Variants in HDAC9 observed in about 807,000 individuals in gnomAD.
HDAC9 encodes the protein MEF-2 interacting transcription repressor (MITR) protein.
In HDAC9, 41 loss-of-function variants were observed where a neutral mutation model predicts 139.4. The observed-to-expected ratio is 0.29, with a 90% CI of 0.23 to 0.38. HDAC9 has a LOEUF of 0.38. Ranked by LOEUF, HDAC9 falls within the 10% of genes least tolerant of loss-of-function variation. The pLI, the probability that HDAC9 is intolerant of heterozygous loss-of-function variation, is 1.00. For synonymous variants in HDAC9, 517 were observed against 476.2 expected, an observed-to-expected ratio of 1.09 and a Z score of -1.12; for missense variants, 1,147 against 1,297.0, an observed-to-expected ratio of 0.88 and a Z score of 1.78.
chr7:18,224,890 C>A (rs1792950542), intron 2 of HDAC9, among the ~76,000 whole-genome samples: 1 of 151,656 alleles, frequency 6.6e-6, no homozygotes, highest in Non-Finnish European at 1.5e-5. Context: ...CTTTGTCCCC[C>A]CAAAAAAAGC....
chr7:18,158,380 G>A (rs1787380385), intron 1 of HDAC9, among the ~76,000 whole-genome samples: 1 of 152,130 alleles, frequency 6.6e-6, no homozygotes, highest in Non-Finnish European at 1.5e-5. Flanking sequence ...GGCTTGACAG[G>A]TCCTTTAGTA....
intron 2 of HDAC9, among the ~76,000 whole-genome samples, chr7:18,216,974 C>G (rs1187744354): frequency 2.0e-5 from 3 of 152,010 alleles, no homozygotes; most frequent in Non-Finnish European, 4.4e-5. Context: ...ATTGACTTAC[C>G]ATATCAACTA....
At chr7:18,737,436 T>G (rs1207001388) in intron 13 of HDAC9, among the ~76,000 whole-genome samples, 1 of 152,248 alleles carries the variant, frequency 6.6e-6, no homozygotes, top group African/African-American at 2.4e-5. Context: ...AAGTGGTGTC[T>G]TTGTTCTCAC....
At position 18,725,846 on chromosome 7, in the gene HDAC9, C is replaced by A. The variant is rs547458551; in HGVS notation, c.1732-1734C>A. Among the ~76,000 whole-genome samples, 29 of 152,208 alleles carry A rather than the reference C, an allele frequency of 1.9e-4. No individual in the cohort carries two copies. The South Asian group carries it at 5.8e-3, about 30-fold the overall frequency. On this transcript the variant is annotated intron_variant, in intron 12 of 25. Coordinates refer to ENST00000686413, the MANE Select transcript of HDAC9 (RefSeq NM_178425.4). ...ACTGAACACAAGACACTCAAGAAAA[C>A]AGGAGAGTTAGACTCTTGTAAAAGT...
intron 1 of HDAC9, among the ~76,000 whole-genome samples, chr7:18,157,250 G>A (rs1787281230): frequency 6.6e-6 from 1 of 152,172 alleles, no homozygotes; most frequent in Non-Finnish European, 1.5e-5. Context: ...TTATACAGGT[G>A]TTCATTCTGA....
intron 1 of HDAC9, among the ~76,000 whole-genome samples, chr7:18,476,399 G>A (rs1043304513): frequency 3.3e-5 from 5 of 151,934 alleles, no homozygotes; most frequent in African/African-American, 7.3e-5. Flanking sequence ...ATTATAATTA[G>A]ATGTATCATG....
intron 1 of HDAC9, among the ~76,000 whole-genome samples, chr7:18,441,259 G>GA (rs916320721): frequency 6.6e-6 from 1 of 151,634 alleles, no homozygotes; most frequent in Non-Finnish European, 1.5e-5. Flanking sequence ...CTTTTTTAAA[G>GA]AAAAAAAAGT....
intron 8 of HDAC9, among the ~76,000 whole-genome samples, chr7:18,644,039 G>A (rs114054614): frequency 0.015 from 2,309 of 152,164 alleles, 20 homozygotes; most frequent in East Asian, 0.053. Flanking sequence ...ATGCCAAAAC[G>A]TTCAGGGTAT....
chr7:18,830,772 A>C (rs1279036881), intron 19 of HDAC9, among the ~76,000 whole-genome samples: 2 of 152,210 alleles, frequency 1.3e-5, no homozygotes, highest in African/African-American at 2.4e-5. Flanking sequence ...TTTTCCATAC[A>C]CGCCTGAGTC....
chr7:18,719,179 C>T (rs1340601944), intron 12 of HDAC9, among the ~76,000 whole-genome samples: 1 of 152,060 alleles, frequency 6.6e-6, no homozygotes, highest in African/African-American at 2.4e-5. Context: ...AGGATTCTTT[C>T]CATATTCTGG....
intron 13 of HDAC9, among the ~76,000 whole-genome samples, chr7:18,731,129 T>G (rs1217429581): frequency 6.6e-6 from 1 of 152,216 alleles, no homozygotes; most frequent in African/African-American, 2.4e-5. Flanking sequence ...AAACTTAGAA[T>G]TTGGTTGTTA....
intron 5 of HDAC9, among the ~76,000 whole-genome samples, chr7:18,592,435 CAT>C (rs1444104971): frequency 1.3e-5 from 2 of 152,090 alleles, no homozygotes; most frequent in African/African-American, 4.8e-5. Context: ...ATAGGCAAAT[CAT>C]ATATGGATAA....
chr7:18,952,818 T>C (rs1199311354), intron 23 of HDAC9, among the ~76,000 whole-genome samples: 2 of 49,442 alleles, frequency 4.0e-5, no homozygotes, highest in Admixed American at 3.6e-4. Flanking sequence ...GGTGGTGATG[T>C]TTTTTTTTTT....
Position 18,168,503 on chromosome 7 carries a change from T to C in HDAC9, c.25+6154T>C, listed in dbSNP as rs535149480. 1.2e-4 allele frequency among the ~76,000 whole-genome samples: 18 copies of C among 152,316 alleles called. No individual in the cohort carries two copies. In the South Asian group the frequency reaches 3.7e-3, roughly 32 times the overall value. Reference sequence around the variant, plus strand: ...TTTATAACATTATGTGGAACCTTTATGGAGGATTTTTTTGTCTGTATAGAT... The same window carrying C: ...TTTATAACATTATGTGGAACCTTTACGGAGGATTTTTTTGTCTGTATAGAT... On this transcript the variant is annotated intron_variant, in intron 2 of 12. Coordinates refer to the HDAC9 transcript ENST00000417496.
chr7:18,945,721 T>A (rs1204096740), intron 23 of HDAC9, among the ~76,000 whole-genome samples: 1 of 152,092 alleles, frequency 6.6e-6, no homozygotes, highest in Admixed American at 6.6e-5. Context: ...AATATACAGT[T>A]GATCAAGTAC....
chr7:18,681,794 TC>T (rs1781908036), intron 12 of HDAC9, among the ~76,000 whole-genome samples: 2 of 152,000 alleles, frequency 1.3e-5, no homozygotes, highest in Non-Finnish European at 2.9e-5. Context: ...TGAGCTACTG[TC>T]CCAGGTGCCA....
intron 1 of HDAC9, among the ~76,000 whole-genome samples, chr7:18,449,238 T>C (rs560020901): frequency 6.6e-6 from 1 of 152,172 alleles, no homozygotes; most frequent in East Asian, 1.9e-4. Flanking sequence ...GCCTCAAAAT[T>C]AGAGTGGATA....
rs1374851928 is a variant in HDAC9 at position 18,647,861 on chromosome 7, A to G, written c.1112A>G (p.Tyr371Cys). ...CAAGGTGTTCCTCTGCCTGGGCAGT[A>G]TGGAGGCAGCATCCCGGCATCTTCC... ...LRQGVPLPGQ[Y>C]GGSIPASSSH... The change falls in exon 10 of 26, where the codon TAT becomes TGT. Residue 371 changes from tyrosine to cysteine, a missense_variant. Physicochemically the swap from Tyr to Cys is radical, Grantham distance 194. Coordinates refer to ENST00000686413, the MANE Select transcript of HDAC9 (RefSeq NM_178425.4). 3.1e-6 allele frequency: 5 copies of G among 1,612,538 alleles called. No individual in the cohort carries two copies. The Admixed American group carries it at 5.0e-5, about 16-fold the overall frequency.
At chr7:18,605,109 C>T (rs1034089208) in intron 6 of HDAC9, among the ~76,000 whole-genome samples, 1 of 152,100 alleles carries the variant, frequency 6.6e-6, no homozygotes, top group African/African-American at 2.4e-5. Context: ...TCAGTTTTCT[C>T]TAGTTTCCTT....
Sources: gnomAD v4.1 joint callset for allele counts (sites outside exome capture counted in the v4.1 genomes callset) on GRCh38, gnomAD v4.1.1 for gene constraint, MANE v1.5 for transcripts, NCBI Gene and HGNC (gene_info 2026-07-23, HGNC 2026-07-21) for gene names.